Variants in VIPR1 observed in about 807,000 individuals in gnomAD.
The protein encoded by VIPR1 is vasoactive intestinal polypeptide receptor 1.
VIPR1 carries 59 observed loss-of-function variants against 58.8 expected under a neutral mutation model. That is an observed-to-expected ratio of 1.00 (90% CI 0.81 to 1.25). The LOEUF (loss-of-function observed/expected upper bound fraction) is 1.25. Among genes scored for constraint, VIPR1 ranks in the 50% most tolerant of loss-of-function variants. VIPR1 has a pLI of 0.00. For synonymous variants in VIPR1, 251 were observed against 242.1 expected (o/e 1.04, Z -0.34); for missense variants, 626 against 602.7 (o/e 1.04, Z -0.40).
chr3:42,512,768 G>C, intron 1 of VIPR1: 1 of 985,488 alleles, frequency 1.0e-6, no homozygotes, highest in Non-Finnish European at 1.2e-6. Flanking sequence ...TGAGGAAACT[G>C]GTGTGGGGTT....
At chr3:42,496,945 G>A (rs1419858498) in intron 1 of VIPR1, among the ~76,000 whole-genome samples, 4 of 123,276 alleles carry the variant, frequency 3.2e-5, no homozygotes, top group Non-Finnish European at 6.9e-5. Flanking sequence ...TTATTTGGGA[G>A]TTACATACTT....
At chr3:42,517,779 C>A (rs1700707709) in intron 2 of VIPR1, among the ~76,000 whole-genome samples, 1 of 152,166 alleles carries the variant, frequency 6.6e-6, no homozygotes, top group African/African-American at 2.4e-5. Context: ...AGTTCGAGAC[C>A]AGCCTGGCCA....
rs1207125535 is a variant in VIPR1, at chr3:42,530,830, T to C, written c.688T>C (p.Phe230Leu). 1 of 1,614,144 alleles carries C rather than the reference T, an allele frequency of 6.2e-7. No individual in the cohort carries two copies. Among genetic ancestry groups the C allele is most frequent in the Non-Finnish European group, 8.5e-7 (1 of 1,179,986 alleles). Residue 230 changes from phenylalanine (F) to leucine (L), a missense_variant, in exon 7 of 13, where the codon TTC (phenylalanine) becomes CTC (leucine). Transcript: ENST00000325123. ...TTTCCAATATTGTGTCATGGCTAAC[T>C]TCTTCTGGCTGCTGGTGGAGGGCCT... ...VFFQYCVMAN[F>L]FWLLVEGLYL...
At chr3:42,512,725 G>A (rs1414349760) in intron 1 of VIPR1, 1 of 984,978 alleles carries the variant, frequency 1.0e-6, no homozygotes, top group Non-Finnish European at 1.2e-6. Flanking sequence ...CTATGGCCCT[G>A]GTGGAAACTG....
At chr3:42,527,136 TCC>T (rs1701274896) in intron 4 of VIPR1, among the ~76,000 whole-genome samples, 1 of 151,980 alleles carries the variant, frequency 6.6e-6, no homozygotes, top group African/African-American at 2.4e-5. Flanking sequence ...CACCAACTTG[TCC>T]CTCGTAAAGA....
At chr3:42,532,206 G>A (rs569819704) in intron 9 of VIPR1, 36 bp from the exon 10 acceptor site, 11 of 1,604,882 alleles carry the variant, frequency 6.9e-6, no homozygotes, top group African/African-American at 1.3e-5. Context: ...CAGCCTTCCC[G>A]CTCTGACTGC....
At chr3:42,494,626 G>A (rs1168655329) in intron 1 of VIPR1, among the ~76,000 whole-genome samples, 2 of 152,192 alleles carry the variant, frequency 1.3e-5, no homozygotes, top group East Asian at 1.9e-4. Flanking sequence ...TTTCACTTGT[G>A]ATCAGCCTTG....
At chr3:42,528,773 C>T (rs1701374580) in intron 6 of VIPR1, 1 of 152,414 alleles carries the variant, frequency 6.6e-6, no homozygotes, top group Admixed American at 6.5e-5. Flanking sequence ...TGACAGAGAG[C>T]TTGAGATCAG....
At chr3:42,527,867 C>A in intron 5 of VIPR1, 124 bp from the exon 6 acceptor site, 3 of 1,356,538 alleles carry the variant, frequency 2.2e-6, no homozygotes, top group Non-Finnish European at 3.0e-6. Context: ...CCCTTTGAGG[C>A]GGGGCCTGCC....
chr3:42,505,474 G>T (rs931365111), intron 1 of VIPR1, among the ~76,000 whole-genome samples: 17 of 152,206 alleles, frequency 1.1e-4, no homozygotes, highest in Non-Finnish European at 1.5e-4. Context: ...CTCTCCAGAG[G>T]CGGACCACAG....
At chr3:42,532,400 T>C in intron 10 of VIPR1, 67 bp downstream of exon 10, 1 of 1,473,276 alleles carries the variant, frequency 6.8e-7, no homozygotes, top group Admixed American at 1.7e-5. Flanking sequence ...ATCCCACATC[T>C]CCTTGAAGTC....
intron 2 of VIPR1, 51 bp from the exon 3 acceptor site, chr3:42,519,172 G>A: frequency 6.9e-7 from 1 of 1,444,328 alleles, no homozygotes; most frequent in South Asian, 1.4e-5. Context: ...CCCCAGGGCT[G>A]GAGGCACCTG....
intron 1 of VIPR1, chr3:42,509,610 G>T (rs1700271656): frequency 1.3e-5 from 2 of 152,262 alleles, no homozygotes; most frequent in Non-Finnish European, 2.9e-5. Context: ...TTGAGCTGAG[G>T]CTAGAGAGTT....
intron 4 of VIPR1, 114 bp downstream of exon 4, chr3:42,526,107 GA>G: frequency 9.8e-7 from 1 of 1,019,886 alleles, no homozygotes; most frequent in Non-Finnish European, 1.4e-6. Flanking sequence ...AGGACTCCTG[GA>G]GTCTGCCCTC....
At chr3:42,525,691 G>A (rs1359478695) in intron 3 of VIPR1, among the ~76,000 whole-genome samples, 196 bp from the exon 4 acceptor site, 2 of 152,180 alleles carry the variant, frequency 1.3e-5, no homozygotes, top group Admixed American at 6.5e-5. Context: ...TCATCGGTGC[G>A]GGAGCCCTGA....
At chr3:42,494,832 A>G (rs900883241) in intron 1 of VIPR1, among the ~76,000 whole-genome samples, 1 of 152,024 alleles carries the variant, frequency 6.6e-6, no homozygotes, top group African/African-American at 2.4e-5. Context: ...CTTGTTTATT[A>G]TCAGTGCAAT....
At chr3:42,505,476 G>A (rs1012900089) in intron 1 of VIPR1, among the ~76,000 whole-genome samples, 14 of 152,210 alleles carry the variant, frequency 9.2e-5, no homozygotes, top group East Asian at 7.7e-4. Flanking sequence ...CTCCAGAGGC[G>A]GACCACAGCT....
chr3:42,527,911 T>G lies in VIPR1; in HGVS notation c.504-80T>G, dbSNP rs1701320147. On this transcript the variant is annotated intron_variant, in intron 5 of 12. Transcript: ENST00000325123. ...GACACATGCTCCCCTGCCCCACCCT[T>G]GCTCAGCACATAGGACAGCATTGGC... The G allele has an allele frequency of 1.9e-6, 3 of 1,563,956 alleles. No homozygotes were observed. In the South Asian group the frequency reaches 3.6e-5, roughly 19 times the overall value.
At chr3:42,500,757 G>C (rs888237308), upstream of VIPR1, among the ~76,000 whole-genome samples, 1 of 152,192 alleles carries the variant, frequency 6.6e-6, no homozygotes, top group African/African-American at 2.4e-5. Flanking sequence ...GGTGTGGATA[G>C]CTGAGGAGAT....
Sources: gnomAD v4.1 joint callset for allele counts (sites outside exome capture counted in the v4.1 genomes callset) on GRCh38, gnomAD v4.1.1 for gene constraint, MANE v1.5 for transcripts, NCBI Gene and HGNC (gene_info 2026-07-23, HGNC 2026-07-21) for gene names.